Variants in OASL observed in about 807,000 individuals in gnomAD.
OASL encodes 2'-5'-oligoadenylate synthase-like protein.
A neutral mutation model predicts 35.3 loss-of-function variants in OASL; 28 were observed. The ratio of observed to expected loss-of-function variants is 0.79; its 90% confidence interval spans 0.59 to 1.09. The LOEUF (loss-of-function observed/expected upper bound fraction) is 1.09, where lower values mean the gene tolerates loss of function less well. Ranked by LOEUF, OASL falls within the 50% of genes least tolerant of loss-of-function variation. OASL has a pLI of 0.00. For missense variants in OASL, 620 were observed against 635.2 expected (o/e 0.98, Z 0.26); for synonymous variants, 252 against 254.6 (o/e 0.99, Z 0.10).
At chr12:121,020,300 A>C in exon 6 of OASL, 1 of 340,394 alleles carries the variant, frequency 2.9e-6, no homozygotes. Flanking sequence ...CACCCAGTGA[A>C]TTATTTTTTT....
intron 4 of OASL, among the ~76,000 whole-genome samples, chr12:121,025,337 C>T (rs73214160): frequency 0.092 from 14,022 of 152,214 alleles, 871 homozygotes; most frequent in East Asian, 0.14. Context: ...ACCTCCTCAA[C>T]AGAGCAGAGG....
rs896653762 is a variant in OASL at position 121,026,626 on chromosome 12, C to T, written c.899+950G>A. ...CAGTACTTTGGGAGGCCAAGGCAGG[C>T]GCATCACCTGAGGTCAGGAGTTTGA... On this transcript the variant is annotated intron_variant, in intron 4 of 5. Transcript: ENST00000257570. 3.9e-5 allele frequency among the ~76,000 whole-genome samples: 6 copies of T among 152,250 alleles called. No individual in the cohort carries two copies. In the South Asian group the frequency reaches 6.2e-4, roughly 16 times the overall value.
At chr12:121,032,893 C>T (rs1869794146) in intron 2 of OASL, among the ~76,000 whole-genome samples, 1 of 152,104 alleles carries the variant, frequency 6.6e-6, no homozygotes, top group African/African-American at 2.4e-5. Flanking sequence ...TGAGCATTTA[C>T]ACCATTTGCA....
chr12:121,020,946 C>G (rs1869208962), exon 6 of OASL: 1 of 1,614,096 alleles, frequency 6.2e-7, no homozygotes, highest in African/African-American at 1.3e-5. Context: ...AGAGTAGCCC[C>G]TGGTCCTCCG....
chr12:121,031,409 T>G lies in OASL; in HGVS notation c.657+33A>C, dbSNP rs1456078181. On this transcript the variant is annotated intron_variant, in intron 3 of 5. Transcript: ENST00000257570. ...CCTTTCCTCCTCACCCTCTTCCCTC[T>G]CCTTGCCCCTGCCATCCTGGCAGCC... The G allele has an allele frequency of 1.9e-6, 3 of 1,606,420 alleles. No homozygotes were observed. The South Asian group carries it at 3.3e-5, about 18-fold the overall frequency.
intron 3 of OASL, among the ~76,000 whole-genome samples, chr12:121,030,764 C>T (rs1869693075): frequency 6.6e-6 from 1 of 152,070 alleles, no homozygotes; most frequent in Non-Finnish European, 1.5e-5. Flanking sequence ...CTTGTTAGTC[C>T]TTAACCTGCT....
At chr12:121,038,854 C>T (rs201649356) in exon 1 of OASL, 366 of 1,614,142 alleles carry the variant, frequency 2.3e-4, no homozygotes, top group Non-Finnish European at 2.8e-4. Context: ...AACTCCTCCA[C>T]GGTCCGCACA....
chr12:121,038,793 C>G (rs749591065), exon 1 of OASL: 2 of 1,613,952 alleles, frequency 1.2e-6, no homozygotes, highest in Non-Finnish European at 1.7e-6. Context: ...CTTCAGCACC[C>G]GCACATCCTG....
At chr12:121,023,291 T>C (rs1187985327) in intron 5 of OASL, among the ~76,000 whole-genome samples, 16 of 139,372 alleles carry the variant, frequency 1.1e-4, no homozygotes, top group East Asian at 9.9e-4. Context: ...TTTTTTCTTT[T>C]TTTCTTTTTT....
At chr12:121,026,314 T>A (rs1869480656) in intron 4 of OASL, among the ~76,000 whole-genome samples, 1 of 152,150 alleles carries the variant, frequency 6.6e-6, no homozygotes, top group African/African-American at 2.4e-5. Context: ...CAATACTACA[T>A]AACAGAACAC....
At chr12:121,028,498 T>G (rs1419666483) in intron 3 of OASL, among the ~76,000 whole-genome samples, 1 of 152,086 alleles carries the variant, frequency 6.6e-6, no homozygotes, top group Non-Finnish European at 1.5e-5. Flanking sequence ...GGAATAGTTG[T>G]GGCCATTTTG....
intron 1 of OASL, among the ~76,000 whole-genome samples, chr12:121,036,312 G>C (rs559276227): frequency 6.6e-6 from 1 of 152,148 alleles, no homozygotes; most frequent in Admixed American, 6.5e-5. Context: ...GACCAGCTCC[G>C]CTCACTAGAT....
chr12:121,034,315 C>T (rs1431875983), intron 1 of OASL, among the ~76,000 whole-genome samples: 2 of 152,014 alleles, frequency 1.3e-5, no homozygotes, highest in Non-Finnish European at 1.5e-5. Flanking sequence ...TACAGGCCTG[C>T]GCCACCATGC....
intron 1 of OASL, among the ~76,000 whole-genome samples, 184 bp from the exon 2 acceptor site, chr12:121,033,927 G>T (rs1156357992): frequency 2.0e-5 from 3 of 152,142 alleles, no homozygotes; most frequent in Non-Finnish European, 2.9e-5. Flanking sequence ...TCGAGACATG[G>T]GATGGAGAAA....
chr12:121,022,866 C>T (rs142473068), intron 5 of OASL, among the ~76,000 whole-genome samples: 3 of 152,328 alleles, frequency 2.0e-5, no homozygotes. Flanking sequence ...CCCAGAGCCC[C>T]TGGTTCTGCT....
At chr12:121,025,770 A>C (rs1339726726) in intron 4 of OASL, among the ~76,000 whole-genome samples, 2 of 151,334 alleles carry the variant, frequency 1.3e-5, no homozygotes, top group Non-Finnish European at 1.5e-5. Context: ...AAAAAAAAAA[A>C]AACAAAACCC....
At chr12:121,024,590 C>A (rs1239051342) in intron 4 of OASL, among the ~76,000 whole-genome samples, 1 of 152,004 alleles carries the variant, frequency 6.6e-6, no homozygotes, top group Non-Finnish European at 1.5e-5. Flanking sequence ...CACCCTCCAG[C>A]CTGGGTGACC....
chr12:121,035,323 G>A (rs533772465), intron 1 of OASL, among the ~76,000 whole-genome samples: 71 of 152,074 alleles, frequency 4.7e-4, no homozygotes, highest in African/African-American at 1.4e-3. Flanking sequence ...TCAGGAGTTC[G>A]AGATCAGCCT....
intron 3 of OASL, among the ~76,000 whole-genome samples, 189 bp from the exon 4 acceptor site, chr12:121,028,006 T>C (rs1382954459): frequency 6.6e-6 from 1 of 152,242 alleles, no homozygotes; most frequent in Non-Finnish European, 1.5e-5. Flanking sequence ...AGGGCTGAGT[T>C]AGTCCATTGG....
Sources: gnomAD v4.1 joint callset for allele counts (sites outside exome capture counted in the v4.1 genomes callset) on GRCh38, gnomAD v4.1.1 for gene constraint, MANE v1.5 for transcripts, NCBI Gene and HGNC (gene_info 2026-07-23, HGNC 2026-07-21) for gene names.